The following NCAPG2 variants were observed in gnomAD, a reference collection of about 807,000 sequenced individuals.
The protein encoded by NCAPG2 is condensin-2 complex subunit G2.
A neutral mutation model predicts 141.1 loss-of-function variants in NCAPG2; 53 were observed. The ratio of observed to expected loss-of-function variants is 0.38; its 90% CI spans 0.30 to 0.47. The LOEUF (loss-of-function observed/expected upper bound fraction) is 0.47. NCAPG2 is among the 20% of genes least tolerant of loss of function. The pLI is 0.99. For synonymous variants in NCAPG2, 499 were observed against 490.7 expected (o/e 1.02, Z -0.22); for missense variants, 1,087 against 1,389.0 (o/e 0.78, Z 3.46).
In NCAPG2 at chr7:158,656,721, G is replaced by A. The variant is rs201915985; in HGVS notation, c.2061-16C>T. On this transcript the variant is annotated splice_polypyrimidine_tract_variant and intron_variant, in intron 17 of 27. Coordinates refer to ENST00000356309, the MANE Select transcript of NCAPG2 (RefSeq NM_017760.7). ...CACACCACAGCTGAAAATGTCAGAC[G>A]GAAAATCGGACTGAGTATTTCAACG... 1.6e-5 allele frequency: 26 copies of A among 1,611,488 alleles called. No homozygotes were observed. The East Asian group carries it at 1.8e-4, about 11-fold the overall frequency.
At chr7:158,646,006 T>C (rs117612109) in intron 25 of NCAPG2, among the ~76,000 whole-genome samples, 1 of 152,378 alleles carries the variant, frequency 6.6e-6, no homozygotes, top group East Asian at 1.9e-4. Context: ...CAATTCCCTC[T>C]GTAACCTGTC....
At chr7:158,677,015 A>G (rs982214635) in intron 11 of NCAPG2, among the ~76,000 whole-genome samples, 1 of 152,140 alleles carries the variant, frequency 6.6e-6, no homozygotes, top group African/African-American at 2.4e-5. Context: ...TCAGCCCCGA[A>G]CCCAGAGCCC....
intron 12 of NCAPG2, among the ~76,000 whole-genome samples, chr7:158,673,612 T>C (rs141894985): frequency 1.3e-5 from 2 of 152,194 alleles, no homozygotes. Context: ...CTAATCTGCA[T>C]GCTGTGGATA....
intron 2 of NCAPG2, among the ~76,000 whole-genome samples, chr7:158,694,993 G>A (rs527338651): frequency 5.3e-5 from 8 of 152,060 alleles, no homozygotes; most frequent in Non-Finnish European, 8.8e-5. Context: ...CTATAGACCC[G>A]ACATTCAATC....
chr7:158,637,914 C>A (rs879333677), intron 27 of NCAPG2, among the ~76,000 whole-genome samples: 1 of 152,132 alleles, frequency 6.6e-6, no homozygotes, highest in Non-Finnish European at 1.5e-5. Flanking sequence ...GAGGCCGAGG[C>A]GGGCGGATCA....
Position 158,637,185 on chromosome 7 carries a change from G to A in NCAPG2, c.3381-5468C>T, listed in dbSNP as rs533614356. 1.6e-4 allele frequency among the ~76,000 whole-genome samples: 24 copies of A among 152,276 alleles called. 1 individual carries two copies. In the South Asian group the frequency reaches 3.5e-3, roughly 22 times the overall value. On this transcript the variant is annotated intron_variant, in intron 27 of 27. Coordinates refer to ENST00000356309, the MANE Select transcript of NCAPG2 (RefSeq NM_017760.7). ...GATGGTCTCGATCTCCTGACCTCGT[G>A]ATCCACCTGCCTTGGCCTCCCAAAG...
At position 158,664,088 on chromosome 7, in the gene NCAPG2, G is replaced by A. The variant is rs757564383; in HGVS notation, c.1815+96C>T. On this transcript the variant is annotated intron_variant, in intron 15 of 27. Transcript: ENST00000356309. ...AACTTGTTTAATTAACAATACTAAA[G>A]GAACAAAGAAAACATAGGAATATTC... 1.4e-4 allele frequency: 137 copies of A among 987,166 alleles called. 1 individual carries two copies. The highest frequency in any genetic ancestry group is 1.9e-4 in the Non-Finnish European group (124 of 637,956). 61.2% of individuals were successfully genotyped at this position (987,166 alleles called of 1,614,324 possible).
chr7:158,673,747 G>A (rs1227697446), intron 12 of NCAPG2, among the ~76,000 whole-genome samples: 2 of 152,212 alleles, frequency 1.3e-5, no homozygotes, highest in Non-Finnish European at 2.9e-5. Context: ...GGATAGCCAG[G>A]GGGAGCCCGT....
At chr7:158,700,035 T>C (rs1315191727) in intron 2 of NCAPG2, among the ~76,000 whole-genome samples, 1 of 152,164 alleles carries the variant, frequency 6.6e-6, no homozygotes, top group Non-Finnish European at 1.5e-5. Flanking sequence ...CTTGGAAAGA[T>C]CTACCTGATA....
chr7:158,645,502 A>C lies in NCAPG2; in HGVS notation c.3280+17T>G. The C allele has an allele frequency of 4.4e-6, 7 of 1,607,606 alleles. No individual in the cohort carries two copies. Among genetic ancestry groups the C allele is most frequent in the Non-Finnish European group, 6.0e-6 (7 of 1,174,034 alleles). ...GCACCAGCCACCTTCCAGATGACAG[A>C]GGGGAATGTAACCAACCTGCATTAA... is the stretch of plus-strand genomic sequence containing the variant. On this transcript the variant is annotated intron_variant, in intron 26 of 27. Transcript: ENST00000356309.
intron 11 of NCAPG2, among the ~76,000 whole-genome samples, chr7:158,679,168 C>T (rs1434034730): frequency 6.6e-6 from 1 of 152,186 alleles, no homozygotes; most frequent in Non-Finnish European, 1.5e-5. Flanking sequence ...TATACTATTA[C>T]TTTAACTTTC....
At chr7:158,645,893 T>G (rs993314807) in intron 25 of NCAPG2, among the ~76,000 whole-genome samples, 4 of 152,182 alleles carry the variant, frequency 2.6e-5, no homozygotes, top group Non-Finnish European at 5.9e-5. Context: ...AGATTTAATA[T>G]GTTGTTGAAA....
In NCAPG2 at chr7:158,633,516, T is replaced by A. The variant is rs1330017677; in HGVS notation, c.3381-1799A>T. Among the ~76,000 whole-genome samples, 1 of 152,196 alleles carries A rather than the reference T, an allele frequency of 6.6e-6. No homozygotes were observed. The highest frequency in any genetic ancestry group is 1.5e-5 in the Non-Finnish European group (1 of 68,034). ...GCTGCCATGCAGCGACACAGGAGAC[T>A]CTGGGTGCCCCACAGCCCCTTCACT... On this transcript the variant is annotated intron_variant, in intron 27 of 27. Transcript: ENST00000356309. The surrounding 1 kb of genome is among the most constrained non-coding windows in gnomAD (Gnocchi z 4.1).
intron 22 of NCAPG2, among the ~76,000 whole-genome samples, chr7:158,653,910 T>TG (rs1467297056): frequency 2.0e-5 from 3 of 151,658 alleles, no homozygotes; most frequent in African/African-American, 7.3e-5. Context: ...CAGAAGCGGC[T>TG]GAGGGGGAGG....
In NCAPG2 at chr7:158,696,033, T is replaced by A. The variant is rs151284033; in HGVS notation, c.79-2536A>T. The A allele has an allele frequency of 1.6e-4, 24 of 152,352 alleles. 1 individual carries two copies. The highest frequency in any genetic ancestry group is 5.3e-4 in the African/African-American group (22 of 41,576). 9.4% of individuals were successfully genotyped at this position (152,352 alleles called of 1,614,324 possible). ...AGGTATCCTCTTGTGACTGGCACAATGTGTATGAAGCAGGGGAAGTCTTGT... is the reference window on the plus strand; with the variant it reads ...AGGTATCCTCTTGTGACTGGCACAAAGTGTATGAAGCAGGGGAAGTCTTGT... On this transcript the variant is annotated intron_variant, in intron 2 of 27. Coordinates refer to ENST00000356309, the MANE Select transcript of NCAPG2 (RefSeq NM_017760.7).
At chr7:158,637,872 G>A (rs530217944) in intron 27 of NCAPG2, among the ~76,000 whole-genome samples, 34 of 152,070 alleles carry the variant, frequency 2.2e-4, no homozygotes, top group South Asian at 1.5e-3. Context: ...GGCTGGGCAC[G>A]GTGGCTCACC....
intron 17 of NCAPG2, among the ~76,000 whole-genome samples, 188 bp downstream of exon 17, chr7:158,658,149 TA>T (rs11444440): frequency 2.3e-3 from 226 of 97,470 alleles, no homozygotes; most frequent in South Asian, 4.8e-3. Context: ...GAATGATCAA[TA>T]AAAAAAAAAA....
At chr7:158,652,562 T>A in intron 22 of NCAPG2, 82 bp from the exon 23 acceptor site, 2 of 1,091,000 alleles carry the variant, frequency 1.8e-6, no homozygotes, top group Non-Finnish European at 2.6e-6. Flanking sequence ...TTAACACATG[T>A]ATAAAATGGT....
chr7:158,651,051 G>T, intron 23 of NCAPG2, 79 bp from the exon 24 acceptor site: 2 of 1,391,768 alleles, frequency 1.4e-6, no homozygotes, highest in Non-Finnish European at 1.9e-6. Flanking sequence ...TTTAAAATAA[G>T]TATTCTTACT....
Sources: gnomAD v4.1 joint callset for allele counts (sites outside exome capture counted in the v4.1 genomes callset) on GRCh38, gnomAD v4.1.1 for gene constraint, Gnocchi (gnomAD v3.1) non-coding constraint, MANE v1.5 for transcripts, NCBI Gene and HGNC (gene_info 2026-07-23, HGNC 2026-07-21) for gene names.